The following RAB3B variants were observed in gnomAD, a reference collection of about 807,000 sequenced individuals.
The protein encoded by RAB3B is RAB3B, member RAS oncogene family.
A neutral mutation model predicts 20.5 loss-of-function variants in RAB3B; 11 were observed. The ratio of observed to expected loss-of-function variants is 0.54; its 90% confidence interval spans 0.34 to 0.89. The LOEUF is 0.89. Among genes scored for constraint, RAB3B ranks in the 40% least tolerant of loss-of-function variants. The pLI, the probability that RAB3B is intolerant of heterozygous loss-of-function variation, is 0.02. For synonymous variants in RAB3B, 99 were observed against 106.3 expected, an observed-to-expected ratio of 0.93 and a Z score of 0.42; for missense variants, 225 against 280.9, an observed-to-expected ratio of 0.80 and a Z score of 1.42.
At chr1:51,947,710 C>G (rs1684584153) in intron 2 of RAB3B, among the ~76,000 whole-genome samples, 2 of 152,184 alleles carry the variant, frequency 1.3e-5, no homozygotes, top group African/African-American at 4.8e-5. Flanking sequence ...CTCTATATCT[C>G]TGTTCATGCT....
chr1:51,917,098 C>T lies in RAB3B; in HGVS notation c.*2829G>A, dbSNP rs1307221190. 2.6e-5 allele frequency: 4 copies of T among 152,202 alleles called. No individual in the cohort carries two copies. In the East Asian group the frequency reaches 5.8e-4, roughly 22 times the overall value. The allele number at this position is 152,202 out of a possible 1,614,324, so 9.4% of individuals were successfully genotyped here. A position where few individuals can be genotyped will look rare whatever the true frequency, so the allele number is the denominator to read the frequency against. On this transcript the variant is annotated 3_prime_UTR_variant, in exon 5 of 5. Coordinates refer to ENST00000371655, the MANE Select transcript of RAB3B (RefSeq NM_002867.4). ...TGTGACTTTAGAGGTCCAGCTAGAA[C>T]CTCTTTGTACCTTTGTTTCCTCATC...
At chr1:51,979,458 A>G (rs1685055404) in intron 1 of RAB3B, among the ~76,000 whole-genome samples, 1 of 151,728 alleles carries the variant, frequency 6.6e-6, no homozygotes, top group Non-Finnish European at 1.5e-5. Flanking sequence ...TTTAGTAGAG[A>G]CGGGGTTTTG....
intron 1 of RAB3B, among the ~76,000 whole-genome samples, chr1:51,982,963 C>T (rs1258149030): frequency 6.6e-6 from 1 of 152,108 alleles, no homozygotes. Context: ...CACATTCACT[C>T]ACCACTCACT....
intron 2 of RAB3B, among the ~76,000 whole-genome samples, chr1:51,954,172 G>A (rs2795005): frequency 0.84 from 128,219 of 152,226 alleles, 54,834 homozygotes; most frequent in East Asian, 1. Flanking sequence ...TGCCTGACAC[G>A]TGGTAAGTGC....
chr1:51,934,131 G>T (rs1422430328), intron 3 of RAB3B, among the ~76,000 whole-genome samples: 1 of 152,176 alleles, frequency 6.6e-6, no homozygotes, highest in Non-Finnish European at 1.5e-5. Context: ...ATGTGATCAA[G>T]TCCAGATTCC....
rs929290752 is a variant in RAB3B, at chr1:51,967,051, G to A, written c.228+9839C>T. On this transcript the variant is annotated intron_variant, in intron 2 of 4. Coordinates refer to ENST00000371655, the MANE Select transcript of RAB3B (RefSeq NM_002867.4). ...ACTGAGGCTGGGCACAGTGGCTCAC[G>A]CCCGTAATCCCAGCACTTTGGGAGG... is the stretch of plus-strand genomic sequence containing the variant. 5.3e-5 allele frequency among the ~76,000 whole-genome samples: 8 copies of A among 152,172 alleles called. No individual in the cohort carries two copies. The East Asian group carries it at 5.8e-4, about 11-fold the overall frequency.
Position 51,937,305 on chromosome 1 carries a change from A to G in RAB3B, c.336T>C (p.Ala112=). Reference sequence around the variant, plus strand: ...TATGGGTCTCATACCAGTCTTGGACAGCATTGAAGGACTCTTCATTGGTGA... The same window carrying G: ...TATGGGTCTCATACCAGTCTTGGACGGCATTGAAGGACTCTTCATTGGTGA... The part of the protein sequence containing the change: ...YDITNEESFN[A]VQDWATQIKT... Residue 112 remains alanine, a synonymous_variant, in exon 3 of 5, where the codon GCT becomes GCC. Coordinates refer to ENST00000371655, the MANE Select transcript of RAB3B (RefSeq NM_002867.4). 1 of 1,606,186 alleles carries G rather than the reference A, an allele frequency of 6.2e-7. No individual in the cohort carries two copies. The highest frequency in any genetic ancestry group is 1.1e-5 in the South Asian group (1 of 90,716).
rs1264301645 is a variant in RAB3B at position 51,912,939 on chromosome 1, G to A, written c.*6988C>T. On this transcript the variant is annotated 3_prime_UTR_variant, in exon 5 of 5. Transcript: ENST00000371655. ...TAAGTTTGAGACATGAAAATGTCCA[G>A]TAGGCACTTAGATACACGTTATTAT... is the stretch of plus-strand genomic sequence containing the variant. The A allele has an allele frequency of 6.6e-6, 1 of 152,038 alleles. No homozygotes were observed. The highest frequency in any genetic ancestry group is 1.5e-5 in the Non-Finnish European group (1 of 68,042). 9.4% of individuals were successfully genotyped at this position (152,038 alleles called of 1,614,324 possible).
chr1:51,989,821 A>G (rs1571985111), intron 1 of RAB3B, among the ~76,000 whole-genome samples: 1 of 73,938 alleles, frequency 1.4e-5, no homozygotes, highest in East Asian at 4.0e-4. Flanking sequence ...CTCGTCTTCC[A>G]TCTACAGTTA....
intron 1 of RAB3B, among the ~76,000 whole-genome samples, chr1:51,981,455 A>G (rs527456434): frequency 6.6e-6 from 1 of 152,306 alleles, no homozygotes; most frequent in East Asian, 1.9e-4. Context: ...CATACATGTT[A>G]TCAATTTATA....
intron 2 of RAB3B, among the ~76,000 whole-genome samples, chr1:51,962,061 T>G (rs1684791130): frequency 2.0e-5 from 3 of 152,184 alleles, no homozygotes; most frequent in Admixed American, 2.0e-4. Flanking sequence ...CATGAACCAC[T>G]GCACCCAGAC....
chr1:51,983,776 A>G (rs1394610746), intron 1 of RAB3B, among the ~76,000 whole-genome samples: 1 of 142,918 alleles, frequency 7.0e-6, no homozygotes, highest in African/African-American at 2.6e-5. Context: ...CCTGGCCAAC[A>G]TGGTGAAATC....
chr1:51,923,470 G>C (rs1247278756), intron 4 of RAB3B, among the ~76,000 whole-genome samples: 3 of 152,044 alleles, frequency 2.0e-5, no homozygotes, highest in Non-Finnish European at 2.9e-5. Context: ...AATCCCTGCA[G>C]TTTGGGAGGC....
chr1:51,952,205 T>C (rs148224672), intron 2 of RAB3B, among the ~76,000 whole-genome samples: 3 of 152,298 alleles, frequency 2.0e-5, no homozygotes, highest in Non-Finnish European at 4.4e-5. Context: ...GTGGGAAAGT[T>C]AGACACATGT....
At chr1:51,939,491 T>C (rs1684460173) in intron 2 of RAB3B, among the ~76,000 whole-genome samples, 2 of 152,120 alleles carry the variant, frequency 1.3e-5, no homozygotes, top group Admixed American at 1.3e-4. Flanking sequence ...ACAATCATCA[T>C]AGCTCACTGC....
At position 51,914,026 on chromosome 1, in the gene RAB3B, A is replaced by G. The variant is rs1409082568; in HGVS notation, c.*5901T>C. 1 of 152,272 alleles carries G rather than the reference A, an allele frequency of 6.6e-6. No individual in the cohort carries two copies. Among genetic ancestry groups the G allele is most frequent in the African/African-American group, 2.4e-5 (1 of 41,452 alleles). The allele number at this position is 152,272 out of a possible 1,614,324, so 9.4% of individuals were successfully genotyped here. ...CCAGACATGTGGATGTAGCTATCCTAGACCATCCTGCCTCAGCCAGAAGAA... is the reference window on the plus strand; with the variant it reads ...CCAGACATGTGGATGTAGCTATCCTGGACCATCCTGCCTCAGCCAGAAGAA... On this transcript the variant is annotated 3_prime_UTR_variant, in exon 5 of 5. Transcript: ENST00000371655.
In RAB3B at chr1:51,927,950, G is replaced by A. The variant is rs538135871; in HGVS notation, c.472+5368C>T. 5.9e-5 allele frequency among the ~76,000 whole-genome samples: 9 copies of A among 152,254 alleles called. No individual in the cohort carries two copies. In the East Asian group the frequency reaches 1.7e-3, roughly 29 times the overall value. On this transcript the variant is annotated intron_variant, in intron 4 of 4. Coordinates refer to ENST00000371655, the MANE Select transcript of RAB3B (RefSeq NM_002867.4). Reference sequence around the variant, plus strand: ...GGGACAAGAAGCCCCTTTCCGAGGAGCACATGGAGGCAGAACCCTAAAAGG... The same window carrying A: ...GGGACAAGAAGCCCCTTTCCGAGGAACACATGGAGGCAGAACCCTAAAAGG...
chr1:51,917,285 T>C lies in RAB3B; in HGVS notation c.*2642A>G, dbSNP rs1312321993. The C allele has an allele frequency of 6.6e-6, 1 of 152,074 alleles. No homozygotes were observed. Among genetic ancestry groups the C allele is most frequent in the African/African-American group, 2.4e-5 (1 of 41,432 alleles). The allele number at this position is 152,074 out of a possible 1,614,324, so 9.4% of individuals were successfully genotyped here. Reference sequence around the variant, plus strand: ...GCCAATCCTGATCTCTCAGGTTTGTTTGGTGGATCAACTGAAATGGTGAAG... The same window carrying C: ...GCCAATCCTGATCTCTCAGGTTTGTCTGGTGGATCAACTGAAATGGTGAAG... On this transcript the variant is annotated 3_prime_UTR_variant, in exon 5 of 5. Transcript: ENST00000371655.
intron 2 of RAB3B, among the ~76,000 whole-genome samples, chr1:51,964,782 A>G (rs1282725642): frequency 1.3e-5 from 2 of 152,126 alleles, no homozygotes; most frequent in Non-Finnish European, 2.9e-5. Context: ...TACTCTCACT[A>G]CTACCGCTAC....
Sources: allele counts gnomAD v4.1 joint callset (sites outside exome capture counted in the v4.1 genomes callset), GRCh38; gene constraint gnomAD v4.1.1; transcripts MANE v1.5; gene names NCBI Gene and HGNC (gene_info 2026-07-23, HGNC 2026-07-21).